The following ATP2B1 variants were observed in gnomAD, a reference collection of about 807,000 sequenced individuals.
The protein encoded by ATP2B1 is ATPase plasma membrane Ca2+ transporting 1.
In ATP2B1, 14 loss-of-function variants were observed where a neutral mutation model predicts 124.2. The observed-to-expected ratio is 0.11, with a 90% CI of 0.07 to 0.18. ATP2B1 has a LOEUF of 0.18. Ranked by LOEUF, ATP2B1 falls within the 10% of genes least tolerant of loss-of-function variation. The pLI, the probability that ATP2B1 is intolerant of heterozygous loss-of-function variation, is 1.00. For missense variants in ATP2B1, 763 were observed against 1,466.1 expected (o/e 0.52, Z 7.83); for synonymous variants, 449 against 492.4 (o/e 0.91, Z 1.17).
chr12:89,701,881 A>G (rs1891894753), intron 1 of ATP2B1, among the ~76,000 whole-genome samples: 1 of 152,192 alleles, frequency 6.6e-6, no homozygotes, highest in African/African-American at 2.4e-5. Flanking sequence ...GGAAAAACAC[A>G]TACACATTCA....
chr12:89,654,736 T>A (rs1375101879), intron 2 of ATP2B1, among the ~76,000 whole-genome samples: 1 of 152,198 alleles, frequency 6.6e-6, no homozygotes, highest in Non-Finnish European at 1.5e-5. Context: ...AGCAATAGCA[T>A]GGCATAAAAT....
chr12:89,662,742 C>T (rs1246426922), intron 1 of ATP2B1, among the ~76,000 whole-genome samples: 1 of 151,882 alleles, frequency 6.6e-6, no homozygotes. Flanking sequence ...AAATACCATC[C>T]CTGTGTCTGT....
chr12:89,599,815 T>C (rs1875444118), intron 19 of ATP2B1, among the ~76,000 whole-genome samples: 1 of 152,200 alleles, frequency 6.6e-6, no homozygotes, highest in South Asian at 2.1e-4. Context: ...TTAGTACTGA[T>C]TGATGACGCC....
At chr12:89,606,451 T>C (rs1876885839) in intron 15 of ATP2B1, among the ~76,000 whole-genome samples, 1 of 152,222 alleles carries the variant, frequency 6.6e-6, no homozygotes, top group African/African-American at 2.4e-5. Flanking sequence ...TACGCATACA[T>C]TGTTTTGATA....
intron 2 of ATP2B1, among the ~76,000 whole-genome samples, chr12:89,653,367 G>T (rs2136336326): frequency 7.0e-6 from 1 of 142,110 alleles, no homozygotes; most frequent in East Asian, 2.1e-4. Flanking sequence ...CGCAATCTCG[G>T]CTCACTGCAA....
chr12:89,672,028 T>C (rs1888058705), intron 1 of ATP2B1, among the ~76,000 whole-genome samples: 1 of 152,180 alleles, frequency 6.6e-6, no homozygotes, highest in Admixed American at 6.5e-5. Flanking sequence ...TAGCAATCTC[T>C]TCCTTTTTGA....
intron 1 of ATP2B1, among the ~76,000 whole-genome samples, chr12:89,690,046 T>C (rs1251704331): frequency 6.6e-6 from 1 of 152,078 alleles, no homozygotes; most frequent in Non-Finnish European, 1.5e-5. Context: ...ACTTTCTGTA[T>C]GCTAGGATTC....
At chr12:89,701,452 T>G (rs1242816233) in intron 1 of ATP2B1, among the ~76,000 whole-genome samples, 1 of 152,236 alleles carries the variant, frequency 6.6e-6, no homozygotes, top group Admixed American at 6.5e-5. Flanking sequence ...AGGTACTATT[T>G]TTTTTGGCAT....
rs186336800 is a variant in ATP2B1 at position 89,625,269 on chromosome 12, C to T, written c.1130-872G>A. On this transcript the variant is annotated intron_variant, in intron 8 of 20. Coordinates refer to ENST00000428670, the MANE Select transcript of ATP2B1 (RefSeq NM_001366521.1). ...TGACAGAGCAAGACTCTGTCTCCCA[C>T]CCTCAACACCCCCCGCCCCCAAAAA... 5.6e-3 allele frequency among the ~76,000 whole-genome samples: 833 copies of T among 148,798 alleles called. 7 individuals are homozygous for T. Among genetic ancestry groups the T allele is most frequent in the African/African-American group, 0.019 (778 of 40,346 alleles).
At position 89,603,127 on chromosome 12, in the gene ATP2B1, T is replaced by C. The variant is rs767818173; in HGVS notation, c.2976A>G (p.Lys992=). The change falls in exon 18 of 21, where the codon AAA becomes AAG. Residue 992 remains lysine (K), a synonymous_variant. Coordinates refer to ENST00000428670, the MANE Select transcript of ATP2B1 (RefSeq NM_001366521.1). The surrounding 1 kb of genome is among the most constrained non-coding windows in gnomAD (Gnocchi z 4.3). ...CGAATACATTTCTTTCACCATGAAT[T>C]TTCCGGGCATTTATTTCGTTGAAAA... ...MQLFNEINAR[K]IHGERNVFEG... 6.2e-7 allele frequency: 1 copy of C among 1,613,972 alleles called. No homozygotes were observed. The highest frequency in any genetic ancestry group is 1.7e-4 in the Middle Eastern group (1 of 6,054).
At chr12:89,624,042 A>T in intron 9 of ATP2B1, 141 bp downstream of exon 9, 1 of 750,306 alleles carries the variant, frequency 1.3e-6, no homozygotes, top group Non-Finnish European at 2.1e-6. Context: ...GGCATCAATG[A>T]CAACATTTCT....
intron 1 of ATP2B1, among the ~76,000 whole-genome samples, chr12:89,672,576 C>G (rs530329721): frequency 6.6e-6 from 1 of 152,258 alleles, no homozygotes; most frequent in African/African-American, 2.4e-5. Flanking sequence ...ATCCTCTTGC[C>G]TTGTACACGT....
rs1427278567 is a variant in ATP2B1 at position 89,603,545 on chromosome 12, T to C, written c.2848+167A>G. On this transcript the variant is annotated intron_variant, in intron 17 of 20. Transcript: ENST00000428670. This position sits in a 1 kb window ranked among gnomAD's most constrained non-coding sequence, Gnocchi z 4.3. Reference sequence around the variant, plus strand: ...GTTTATTCTACTATCTAGCTTATTGTCCTCCCAAATTTACTAAGCACTCAC... The same window carrying C: ...GTTTATTCTACTATCTAGCTTATTGCCCTCCCAAATTTACTAAGCACTCAC... 10 of 720,772 alleles carry C rather than the reference T, an allele frequency of 1.4e-5. No homozygotes were observed. The highest frequency in any genetic ancestry group is 2.2e-5 in the Non-Finnish European group (10 of 445,202). The allele number at this position is 720,772 out of a possible 1,614,324, so 44.6% of individuals were successfully genotyped here.
intron 12 of ATP2B1, 130 bp downstream of exon 12, chr12:89,616,667 TTTATC>T: frequency 1.3e-6 from 1 of 756,258 alleles, no homozygotes; most frequent in South Asian, 1.9e-5. Flanking sequence ...TATTATTTCA[TTTATC>T]TTGGGTTCAC....
At chr12:89,593,143 T>C (rs963553282) in intron 20 of ATP2B1, among the ~76,000 whole-genome samples, 3 of 152,038 alleles carry the variant, frequency 2.0e-5, no homozygotes, top group Non-Finnish European at 4.4e-5. Flanking sequence ...ATGTAAACAA[T>C]GTTTGCTAAA....
rs984950593 is a variant in ATP2B1 at position 89,627,775 on chromosome 12, A to G, written c.929-59T>C. ...AAAGAAATGAATACAGCCATGCTAA[A>G]TTATGCAGAAGTAGTTCACATTTCT... is the stretch of plus-strand genomic sequence containing the variant. On this transcript the variant is annotated intron_variant, in intron 6 of 20. Transcript: ENST00000428670. 5 of 1,537,562 alleles carry G rather than the reference A, an allele frequency of 3.3e-6. No individual in the cohort carries two copies. The African/African-American group carries it at 6.8e-5, about 21-fold the overall frequency.
intron 1 of ATP2B1, among the ~76,000 whole-genome samples, chr12:89,673,567 T>C (rs1050143469): frequency 6.6e-6 from 1 of 152,176 alleles, no homozygotes; most frequent in African/African-American, 2.4e-5. Context: ...TTAGATACAT[T>C]GCTATCAACA....
chr12:89,656,012 T>C lies in ATP2B1; in HGVS notation c.-126A>G, dbSNP rs573883241. On this transcript the variant is annotated 5_prime_UTR_variant, in exon 2 of 21. Coordinates refer to ENST00000428670, the MANE Select transcript of ATP2B1 (RefSeq NM_001366521.1). ...TTAAACCAAACACTCATTGTATGAC[T>C]TTGTAAAGCAGCATCAGCAGCAACA... The C allele has an allele frequency of 1.0e-6, 1 of 985,998 alleles. No homozygotes were observed. The highest frequency in any genetic ancestry group is 1.6e-5 in the African/African-American group (1 of 61,172). The allele number at this position is 985,998 out of a possible 1,614,324, so 61.1% of individuals were successfully genotyped here.
rs1873193063 is a variant in ATP2B1 at position 89,589,612 on chromosome 12, A to G, written c.*1372T>C. The stretch of plus-strand genomic sequence containing the variant: ...CTAAATTCAATGAAGAGTATGTCAA[A>G]TGGTAAAATTGTGTTAATTTTCTTA... On this transcript the variant is annotated 3_prime_UTR_variant, in exon 21 of 21. Transcript: ENST00000428670. 1 of 152,078 alleles carries G rather than the reference A, an allele frequency of 6.6e-6. No individual in the cohort carries two copies. The highest frequency in any genetic ancestry group is 2.4e-5 in the African/African-American group (1 of 41,422). 9.4% of individuals were successfully genotyped at this position (152,078 alleles called of 1,614,324 possible). A position where few individuals can be genotyped will look rare whatever the true frequency, so the allele number is the denominator to read the frequency against.
Sources: gnomAD v4.1 joint callset for allele counts (sites outside exome capture counted in the v4.1 genomes callset) on GRCh38, gnomAD v4.1.1 for gene constraint, Gnocchi (gnomAD v3.1) non-coding constraint, MANE v1.5 for transcripts, NCBI Gene and HGNC (gene_info 2026-07-23, HGNC 2026-07-21) for gene names.